The following CUX2 variants were observed in gnomAD, a reference collection of about 807,000 sequenced individuals.
CUX2 encodes homeobox protein cut-like 2.
A neutral mutation model predicts 144.8 loss-of-function variants in CUX2; 40 were observed. The observed-to-expected ratio is 0.28, with a 90% CI of 0.21 to 0.36. The LOEUF is 0.36. Ranked by LOEUF, CUX2 falls within the 10% of genes least tolerant of loss-of-function variation. The pLI is 1.00. For missense variants in CUX2, 1,615 were observed against 1,994.0 expected (o/e 0.81, Z 3.62); for synonymous variants, 827 against 875.6 (o/e 0.94, Z 0.98).
chr12:111,089,794 T>C (rs1037561738), intron 1 of CUX2, among the ~76,000 whole-genome samples: 1 of 152,234 alleles, frequency 6.6e-6, no homozygotes, highest in Non-Finnish European at 1.5e-5. Context: ...AGAGCATTCA[T>C]GCTTGAGCAT....
At chr12:111,087,932 G>T (rs931700818) in intron 1 of CUX2, among the ~76,000 whole-genome samples, 7 of 152,168 alleles carry the variant, frequency 4.6e-5, no homozygotes, top group Non-Finnish European at 1.0e-4. Flanking sequence ...TGGTTCAACT[G>T]TGGCACCCCC....
rs1161516504 is a variant in CUX2, at chr12:111,312,699, G to GA, written c.2002+509dup. 0.012 allele frequency among the ~76,000 whole-genome samples: 1,795 copies of GA among 144,342 alleles called. 24 individuals are homozygous for GA. Among genetic ancestry groups the GA allele is most frequent in the Non-Finnish European group, 0.021 (1,348 of 65,382 alleles). The allele number at this position is 144,342 out of a possible 152,430, so 94.7% of individuals were successfully genotyped here. ...TAGGTGACAAAGCAAGACTCTGTCAGAAAAAAAAAAAGAAAAATATCCCAA... is the reference window on the plus strand; with the variant it reads ...TAGGTGACAAAGCAAGACTCTGTCAGAAAAAAAAAAAAGAAAAATATCCCAA... On this transcript the variant is annotated intron_variant, in intron 16 of 21. Transcript: ENST00000261726. The surrounding 1 kb of genome is among the most constrained non-coding windows in gnomAD (Gnocchi z 4.3).
intron 1 of CUX2, among the ~76,000 whole-genome samples, chr12:111,158,523 C>T (rs752667021): frequency 4.0e-5 from 6 of 148,174 alleles, no homozygotes; most frequent in Admixed American, 1.3e-4. Flanking sequence ...AGAAAGTATG[C>T]CATTGTGTGA....
chr12:111,133,513 A>G (rs569737045), intron 1 of CUX2, among the ~76,000 whole-genome samples: 3 of 152,320 alleles, frequency 2.0e-5, no homozygotes, highest in South Asian at 2.1e-4. Context: ...GAGAGTTACT[A>G]TCATGAGAAC....
chr12:111,150,072 G>A (rs1048112910), intron 1 of CUX2, among the ~76,000 whole-genome samples: 1 of 152,088 alleles, frequency 6.6e-6, no homozygotes, highest in Non-Finnish European at 1.5e-5. Context: ...CTGACACATA[G>A]AGAAAAACCT....
chr12:111,207,036 G>A (rs1019305309), intron 1 of CUX2, among the ~76,000 whole-genome samples: 2 of 152,200 alleles, frequency 1.3e-5, no homozygotes, highest in Non-Finnish European at 2.9e-5. Context: ...ATAGATGTAT[G>A]ATTAGATGAA....
At chr12:111,052,305 T>G (rs1870309122) in intron 1 of CUX2, among the ~76,000 whole-genome samples, 1 of 152,128 alleles carries the variant, frequency 6.6e-6, no homozygotes. Context: ...CAGACATAGC[T>G]CTGTGGGTTA....
At chr12:111,063,278 T>C (rs559472145) in intron 1 of CUX2, among the ~76,000 whole-genome samples, 1 of 152,288 alleles carries the variant, frequency 6.6e-6, no homozygotes, top group South Asian at 2.1e-4. Context: ...ATGTATTATT[T>C]ACCTAGGGGC....
rs572975688 is a variant in CUX2 at position 111,108,172 on chromosome 12, T to A, written c.63+73932T>A. Among the ~76,000 whole-genome samples, 10 of 152,372 alleles carry A rather than the reference T, an allele frequency of 6.6e-5. 1 individual carries two copies. In the South Asian group the frequency reaches 1.9e-3, roughly 28 times the overall value. On this transcript the variant is annotated intron_variant, in intron 1 of 21. Transcript: ENST00000261726. ...CCATTTGAGAATGCAGGGTGTTTAC[T>A]TATGATTCGATTCAGGTTGTGCATT...
At chr12:111,090,561 G>A (rs1203202687) in intron 1 of CUX2, among the ~76,000 whole-genome samples, 1 of 152,044 alleles carries the variant, frequency 6.6e-6, no homozygotes, top group Non-Finnish European at 1.5e-5. Context: ...CACTGCGCCC[G>A]GCCTGCGATC....
intron 9 of CUX2, among the ~76,000 whole-genome samples, chr12:111,300,461 A>C (rs1193017518): frequency 2.0e-5 from 3 of 152,110 alleles, no homozygotes; most frequent in Non-Finnish European, 4.4e-5. Context: ...TATGCATACC[A>C]TTGTGAACCT....
chr12:111,320,507 C>T lies in CUX2; in HGVS notation c.2498C>T (p.Pro833Leu), dbSNP rs750919161. ...CCCCGCGGGGACGAGGCCCCTGTGC[C>T]CCCCGAGGACGAGGCGGCGGCAGGG... The part of the protein sequence containing the change: ...AWPRGDEAPV[P>L]PEDEAAAGAE... Residue 833 changes from proline to leucine, a missense_variant, in exon 17 of 22, where the codon CCC (proline) becomes CTC (leucine). Around this residue, in one of 12 missense-constraint regions of CUX2, gnomAD observed 390 missense variants for 387.1 expected, o/e 1.01. Coordinates refer to ENST00000261726, the MANE Select transcript of CUX2 (RefSeq NM_015267.4). The surrounding 1 kb of genome is among the most constrained non-coding windows in gnomAD (Gnocchi z 8.1). 1 of 1,578,812 alleles carries T rather than the reference C, an allele frequency of 6.3e-7. No individual in the cohort carries two copies. The highest frequency in any genetic ancestry group is 8.6e-7 in the Non-Finnish European group (1 of 1,168,334).
chr12:111,249,952 C>T (rs921249961), intron 3 of CUX2, among the ~76,000 whole-genome samples: 2 of 152,116 alleles, frequency 1.3e-5, no homozygotes, highest in Non-Finnish European at 2.9e-5. Context: ...CCATACTTTA[C>T]GTGAGGGGCC....
At chr12:111,132,891 C>A (rs1371513511) in intron 1 of CUX2, among the ~76,000 whole-genome samples, 1 of 152,118 alleles carries the variant, frequency 6.6e-6, no homozygotes, top group Non-Finnish European at 1.5e-5. Flanking sequence ...AGATGGAATG[C>A]TTTTAACAGC....
At chr12:111,254,055 C>G (rs1281299218) in intron 3 of CUX2, among the ~76,000 whole-genome samples, 1 of 152,102 alleles carries the variant, frequency 6.6e-6, no homozygotes, top group Non-Finnish European at 1.5e-5. Flanking sequence ...AAATGTTAGT[C>G]TCTACCCTTG....
chr12:111,256,486 C>T (rs549929791), intron 3 of CUX2, among the ~76,000 whole-genome samples: 4 of 152,270 alleles, frequency 2.6e-5, no homozygotes, highest in Middle Eastern at 3.4e-3. Context: ...GACGTCCACC[C>T]CCCATCATCT....
At chr12:111,179,928 C>T (rs1031897346) in intron 1 of CUX2, among the ~76,000 whole-genome samples, 21 of 152,222 alleles carry the variant, frequency 1.4e-4, no homozygotes, top group African/African-American at 5.1e-4. Flanking sequence ...AGGGGACCTG[C>T]CCGCCTGGCC....
rs147389725 is a variant in CUX2 at position 111,322,321 on chromosome 12, CAAAAAAAAAAAAA to C, written c.2767-89_2767-77del. The C allele has an allele frequency of 7.9e-6, 6 of 762,166 alleles. No individual in the cohort carries two copies. Among genetic ancestry groups the C allele is most frequent in the African/African-American group, 5.0e-5 (2 of 40,338 alleles). The allele number at this position is 762,166 out of a possible 1,614,324, so 47.2% of individuals were successfully genotyped here. A position where few individuals can be genotyped will look rare whatever the true frequency, so the allele number is the denominator to read the frequency against. ...CGACAGACAAAGCGAGACTCTGCCTCAAAAAAAAAAAAAAAAAAAAAAAGGTTGGGGAGGAGAG... is the reference window on the plus strand; with the variant it reads ...CGACAGACAAAGCGAGACTCTGCCTCAAAAAAAAAAGGTTGGGGAGGAGAG... On this transcript the variant is annotated intron_variant, in intron 17 of 21. Transcript: ENST00000261726. The surrounding 1 kb of genome is among the most constrained non-coding windows in gnomAD (Gnocchi z 4.2).
Position 111,334,531 on chromosome 12 carries a change from T to A in CUX2, c.3017T>A (p.Leu1006Gln). The change falls in exon 19 of 22, where the codon CTG (leucine) becomes CAG (glutamine). Residue 1006 changes from leucine to glutamine, a missense_variant. Leu to Gln is a moderately radical substitution (Grantham distance 113, BLOSUM62 -2). This residue lies in a region of CUX2 where 128 missense variants were observed against 124.4 expected (regional missense o/e 1.03). Transcript: ENST00000261726. ...KSSQEPLSLS[L>Q]ESSKENQQPE... ...TCCCAGGAGCCGTTGAGCCTGTCCC[T>A]GGAGAGCAGCAAGGAGAACCAGCAG... is the stretch of plus-strand genomic sequence containing the variant. The A allele has an allele frequency of 6.2e-7, 1 of 1,611,074 alleles. No homozygotes were observed. The highest frequency in any genetic ancestry group is 8.5e-7 in the Non-Finnish European group (1 of 1,179,052).
Sources: allele counts gnomAD v4.1 joint callset (sites outside exome capture counted in the v4.1 genomes callset), GRCh38; gene constraint gnomAD v4.1.1; regional missense constraint gnomAD v4.1.1; non-coding constraint Gnocchi (gnomAD v3.1); transcripts MANE v1.5; gene names NCBI Gene and HGNC (gene_info 2026-07-23, HGNC 2026-07-21).